PRDM16: variants seen among roughly 807,000 people sequenced by gnomAD.
PRDM16 encodes the protein histone-lysine N-methyltransferase PRDM16.
A neutral mutation model predicts 110.6 loss-of-function variants in PRDM16; 23 were observed. The observed-to-expected ratio is 0.21, with a 90% CI of 0.15 to 0.29. The LOEUF is 0.29. Ranked by LOEUF, PRDM16 falls within the 10% of genes least tolerant of loss-of-function variation. The pLI, the probability that PRDM16 is intolerant of heterozygous loss-of-function variation, is 1.00. For synonymous variants in PRDM16, 799 were observed against 781.8 expected (o/e 1.02, Z -0.37); for missense variants, 1,615 against 1,794.3 (o/e 0.90, Z 1.81).
In PRDM16 at chr1:3,143,046, T is replaced by C. The variant is rs12739934; in HGVS notation, c.38-43079T>C. ...GGGCTGTGTTGCTGATGAGATCACA[T>C]AGGGGCTGGAGAATTCGTACCCGCG... On this transcript the variant is annotated intron_variant, in intron 1 of 16. Coordinates refer to ENST00000270722, the MANE Select transcript of PRDM16 (RefSeq NM_022114.4). This position sits in a 1 kb window ranked among gnomAD's most constrained non-coding sequence, Gnocchi z 4.5. Among the ~76,000 whole-genome samples the C allele has an allele frequency of 0.066, 10,054 of 152,318 alleles. 438 individuals are homozygous for C. The highest frequency in any genetic ancestry group is 0.12 in the East Asian group (603 of 5,172).
chr1:3,286,466 G>C (rs748964344), intron 3 of PRDM16, among the ~76,000 whole-genome samples: 2 of 152,068 alleles, frequency 1.3e-5, no homozygotes, highest in Non-Finnish European at 2.9e-5. Flanking sequence ...CTCTGCAGAC[G>C]GCAACATGGC....
chr1:3,263,647 C>T (rs1347845363), intron 3 of PRDM16, among the ~76,000 whole-genome samples: 1 of 152,244 alleles, frequency 6.6e-6, no homozygotes, highest in Admixed American at 6.5e-5. Context: ...CTGGCTCCTG[C>T]CCATGCTGCC....
Position 3,246,833 on chromosome 1 carries a change from C to G in PRDM16, c.438+2696C>G, listed in dbSNP as rs1368497589. Among the ~76,000 whole-genome samples the G allele has an allele frequency of 2.0e-5, 3 of 152,100 alleles. No individual in the cohort carries two copies. The highest frequency in any genetic ancestry group is 2.0e-4 in the Admixed American group (3 of 15,272). On this transcript the variant is annotated intron_variant, in intron 3 of 16. Coordinates refer to ENST00000270722, the MANE Select transcript of PRDM16 (RefSeq NM_022114.4). This position sits in a 1 kb window ranked among gnomAD's most constrained non-coding sequence, Gnocchi z 5.2. ...AGCCGGGGGGGTTGGGGCTGAGAGA[C>G]TGAGAGACATGAGCTAAAATTCAAA... is the stretch of plus-strand genomic sequence containing the variant.
At chr1:3,342,399 T>C (rs1434624852) in intron 3 of PRDM16, among the ~76,000 whole-genome samples, 2 of 152,202 alleles carry the variant, frequency 1.3e-5, no homozygotes, top group African/African-American at 4.8e-5. Flanking sequence ...ACGTCACCTC[T>C]CTGCCTGCAG....
At chr1:3,429,014 T>G (rs911712224) in intron 14 of PRDM16, among the ~76,000 whole-genome samples, 3 of 152,180 alleles carry the variant, frequency 2.0e-5, no homozygotes, top group Non-Finnish European at 4.4e-5. Context: ...TCACCAAGGA[T>G]GGCCAAGGAG....
At chr1:3,258,957 T>A (rs531185599) in intron 3 of PRDM16, among the ~76,000 whole-genome samples, 2 of 152,226 alleles carry the variant, frequency 1.3e-5, no homozygotes, top group African/African-American at 4.8e-5. Flanking sequence ...GCTGCAAAAA[T>A]AAAATGAGGA....
intron 1 of PRDM16, among the ~76,000 whole-genome samples, chr1:3,106,736 C>T (rs780826236): frequency 9.2e-5 from 14 of 152,170 alleles, no homozygotes; most frequent in Non-Finnish European, 2.1e-4. Flanking sequence ...GGGAGCAGCT[C>T]CCGGCGGGCT....
chr1:3,243,955 G>A lies in PRDM16; in HGVS notation c.388-132G>A, dbSNP rs556505995. The A allele has an allele frequency of 3.4e-5, 28 of 817,886 alleles. No homozygotes were observed. The South Asian group carries it at 3.9e-4, about 11-fold the overall frequency. The allele number at this position is 817,886 out of a possible 1,614,324, so 50.7% of individuals were successfully genotyped here. On this transcript the variant is annotated intron_variant, in intron 2 of 16. Transcript: ENST00000270722. This position sits in a 1 kb window ranked among gnomAD's most constrained non-coding sequence, Gnocchi z 5.5. ...TGATCAATGGAACCCTTCATTTCCT[G>A]CTGTGGAGAAGCCACTGGGTCCCAC... is the stretch of plus-strand genomic sequence containing the variant.
chr1:3,092,372 C>T (rs1642298385), intron 1 of PRDM16, among the ~76,000 whole-genome samples: 2 of 152,212 alleles, frequency 1.3e-5, no homozygotes, highest in Non-Finnish European at 2.9e-5. Context: ...TGCCCCACTG[C>T]TCATCCTTAA....
intron 1 of PRDM16, among the ~76,000 whole-genome samples, chr1:3,138,794 G>A (rs936238358): frequency 6.6e-6 from 1 of 152,190 alleles, no homozygotes; most frequent in African/African-American, 2.4e-5. Context: ...TGAGGAGGGG[G>A]CCTTGGAGGG....
chr1:3,372,474 G>A (rs564877423), intron 3 of PRDM16, among the ~76,000 whole-genome samples: 6 of 152,290 alleles, frequency 3.9e-5, no homozygotes, highest in South Asian at 2.1e-4. Context: ...CCAGGGCCTC[G>A]TGTCACCTCA....
At chr1:3,335,310 G>T (rs1642120980) in intron 3 of PRDM16, among the ~76,000 whole-genome samples, 1 of 152,206 alleles carries the variant, frequency 6.6e-6, no homozygotes, top group Admixed American at 6.5e-5. Context: ...TTCCGCTTGG[G>T]AAAGTGAATG....
At chr1:3,384,062 C>T in intron 3 of PRDM16, among the ~76,000 whole-genome samples, 1 of 151,940 alleles carries the variant, frequency 6.6e-6, no homozygotes, top group East Asian at 1.9e-4. Flanking sequence ...CACATATGCC[C>T]ACCGTGACCC....
intron 1 of PRDM16, among the ~76,000 whole-genome samples, chr1:3,079,597 T>A (rs1333455247): frequency 6.6e-6 from 1 of 152,230 alleles, no homozygotes; most frequent in Non-Finnish European, 1.5e-5. Flanking sequence ...CTGGCCTTCC[T>A]TGCAAATCAC....
intron 3 of PRDM16, among the ~76,000 whole-genome samples, chr1:3,269,838 GAGGATGAAAGTCCCA>G (rs1296322029): frequency 2.4e-5 from 2 of 84,804 alleles, no homozygotes; most frequent in Admixed American, 1.4e-4. Context: ...GACAGTCCCA[GAGGATGAAAGTCCCA>G]GAGGAGGAAA....
chr1:3,106,827 C>A (rs1343539874), intron 1 of PRDM16, among the ~76,000 whole-genome samples: 1 of 152,116 alleles, frequency 6.6e-6, no homozygotes, highest in Non-Finnish European at 1.5e-5. Context: ...GAGGGCTGTG[C>A]CCATAGGGCT....
At chr1:3,311,546 C>G (rs952131535) in intron 3 of PRDM16, among the ~76,000 whole-genome samples, 1 of 152,194 alleles carries the variant, frequency 6.6e-6, no homozygotes, top group Non-Finnish European at 1.5e-5. Flanking sequence ...CCCACAGGCC[C>G]AAAACCAGCC....
intron 3 of PRDM16, among the ~76,000 whole-genome samples, chr1:3,303,712 T>A (rs79804418): frequency 0.19 from 28,532 of 152,216 alleles, 2,751 homozygotes; most frequent in East Asian, 0.32. Context: ...CCCACATCCT[T>A]GCAGACGCCC....
intron 4 of PRDM16, among the ~76,000 whole-genome samples, chr1:3,393,446 G>A (rs1643330003): frequency 6.6e-6 from 1 of 152,246 alleles, no homozygotes; most frequent in Non-Finnish European, 1.5e-5. Context: ...CACGAGGAAA[G>A]GAGGATTATA....
Sources: allele counts gnomAD v4.1 joint callset (sites outside exome capture counted in the v4.1 genomes callset), GRCh38; gene constraint gnomAD v4.1.1; non-coding constraint Gnocchi (gnomAD v3.1); transcripts MANE v1.5; gene names NCBI Gene and HGNC (gene_info 2026-07-23, HGNC 2026-07-21).